The following COL24A1 variants were observed in gnomAD, a reference collection of about 807,000 sequenced individuals.
COL24A1 encodes the protein collagen type XXIV alpha 1 chain, also known as collagen alpha-1(XXIV) chain.
COL24A1 carries 224 observed loss-of-function variants against 253.9 expected under a neutral mutation model. That is an observed-to-expected ratio of 0.88 (90% CI 0.79 to 0.99). COL24A1 has a LOEUF of 0.99. Ranked by LOEUF, COL24A1 falls within the 50% of genes least tolerant of loss-of-function variation. COL24A1 has a pLI of 0.00. For missense variants in COL24A1, 2,131 were observed against 2,068.5 expected, an observed-to-expected ratio of 1.03 and a Z score of -0.59; for synonymous variants, 685 against 673.7, an observed-to-expected ratio of 1.02 and a Z score of -0.26.
intron 14 of COL24A1, among the ~76,000 whole-genome samples, chr1:86,028,609 T>C (rs1420981431): frequency 1.3e-5 from 2 of 152,200 alleles, no homozygotes; most frequent in Non-Finnish European, 2.9e-5. Flanking sequence ...ACCTCTTTCC[T>C]TTATAAATTA....
intron 2 of COL24A1, among the ~76,000 whole-genome samples, chr1:86,128,014 A>G (rs1465076917): frequency 6.6e-6 from 1 of 152,086 alleles, no homozygotes; most frequent in Non-Finnish European, 1.5e-5. Context: ...ATTTGTATCT[A>G]TGATATTGTA....
At chr1:85,947,068 A>G (rs530028388) in intron 24 of COL24A1, among the ~76,000 whole-genome samples, 53 of 152,350 alleles carry the variant, frequency 3.5e-4, no homozygotes, top group South Asian at 1.0e-3. Context: ...CAGATGCTTA[A>G]TAAGTATTAG....
At chr1:86,150,198 A>G (rs1373377155) in intron 1 of COL24A1, among the ~76,000 whole-genome samples, 4 of 152,114 alleles carry the variant, frequency 2.6e-5, no homozygotes, top group African/African-American at 9.7e-5. Flanking sequence ...GAAGTTTCCC[A>G]TCATCTCTAA....
chr1:85,915,698 G>C (rs1476990166), intron 24 of COL24A1, among the ~76,000 whole-genome samples: 3 of 152,150 alleles, frequency 2.0e-5, no homozygotes, highest in Non-Finnish European at 2.9e-5. Context: ...GCCTGGGCTG[G>C]AGTGCAGTGG....
chr1:86,044,797 T>C (rs1055354153), intron 12 of COL24A1, among the ~76,000 whole-genome samples: 1 of 152,142 alleles, frequency 6.6e-6, no homozygotes, highest in African/African-American at 2.4e-5. Flanking sequence ...TACCTGTACA[T>C]TGCCAAAGCC....
intron 35 of COL24A1, among the ~76,000 whole-genome samples, chr1:85,873,148 C>T (rs1680730630): frequency 6.6e-6 from 1 of 152,150 alleles, no homozygotes; most frequent in South Asian, 2.1e-4. Flanking sequence ...CCATCTCACA[C>T]CAGTTAGAAT....
At chr1:85,858,955 C>T (rs937240371) in intron 37 of COL24A1, among the ~76,000 whole-genome samples, 1 of 151,930 alleles carries the variant, frequency 6.6e-6, no homozygotes, top group Non-Finnish European at 1.5e-5. Context: ...CCAGGCTGGT[C>T]TTGAACTCCA....
At position 86,091,349 on chromosome 1, in the gene COL24A1, GT is replaced by G. The variant is rs369969629; in HGVS notation, c.1653+917del. Among the ~76,000 whole-genome samples, 157 of 150,818 alleles carry G rather than the reference GT, an allele frequency of 1.0e-3. 2 individuals carry two copies. Among genetic ancestry groups the G allele is most frequent in the Middle Eastern group, 6.8e-3 (2 of 292 alleles). On this transcript the variant is annotated intron_variant, in intron 6 of 59. Transcript: ENST00000370571. Reference sequence around the variant, plus strand: ...CATATAGTATCTGTAGAGTAATTATGTTTTTTTTTAAGTTTACAATTGTTTC... The same window carrying G: ...CATATAGTATCTGTAGAGTAATTATGTTTTTTTTAAGTTTACAATTGTTTC...
At chr1:86,080,428 G>C (rs1421617160) in intron 7 of COL24A1, among the ~76,000 whole-genome samples, 1 of 152,128 alleles carries the variant, frequency 6.6e-6, no homozygotes, top group South Asian at 2.1e-4. Context: ...AAAATAAATA[G>C]AGTATCATTG....
At chr1:86,133,541 T>G (rs1226415381) in intron 2 of COL24A1, among the ~76,000 whole-genome samples, 2 of 152,210 alleles carry the variant, frequency 1.3e-5, no homozygotes, top group Admixed American at 6.5e-5. Flanking sequence ...CCTAATTTAT[T>G]GAGAGTTTTT....
intron 7 of COL24A1, among the ~76,000 whole-genome samples, chr1:86,072,201 A>T (rs1446835127): frequency 6.6e-6 from 1 of 152,172 alleles, no homozygotes; most frequent in Non-Finnish European, 1.5e-5. Flanking sequence ...CCAGGGAGCC[A>T]AGTGGTCTAG....
intron 47 of COL24A1, among the ~76,000 whole-genome samples, chr1:85,805,565 G>A (rs894376223): frequency 6.6e-6 from 1 of 152,136 alleles, no homozygotes; most frequent in African/African-American, 2.4e-5. Flanking sequence ...AAAATATGGA[G>A]TTTTAGACTG....
intron 43 of COL24A1, among the ~76,000 whole-genome samples, chr1:85,832,269 C>T (rs1198862132): frequency 6.6e-6 from 1 of 152,038 alleles, no homozygotes; most frequent in African/African-American, 2.4e-5. Flanking sequence ...GGGCTCTGTT[C>T]TATTCCATTG....
intron 2 of COL24A1, among the ~76,000 whole-genome samples, chr1:86,134,019 A>G (rs1392135638): frequency 1.3e-5 from 2 of 152,140 alleles, no homozygotes; most frequent in African/African-American, 2.4e-5. Flanking sequence ...TATTGCCTCA[A>G]TTTCAGAGCC....
At chr1:86,105,308 G>A (rs948302374) in intron 5 of COL24A1, among the ~76,000 whole-genome samples, 1 of 152,178 alleles carries the variant, frequency 6.6e-6, no homozygotes, top group African/African-American at 2.4e-5. Context: ...ACACACATGC[G>A]TTAGCAAAGC....
chr1:85,879,887 T>C (rs1681628050), intron 32 of COL24A1, among the ~76,000 whole-genome samples: 1 of 152,176 alleles, frequency 6.6e-6, no homozygotes, highest in Admixed American at 6.5e-5. Context: ...CAAGGGTCAA[T>C]CGTACTTGTC....
chr1:86,080,124 G>C (rs1702523710), intron 7 of COL24A1, among the ~76,000 whole-genome samples: 1 of 152,148 alleles, frequency 6.6e-6, no homozygotes, highest in African/African-American at 2.4e-5. Context: ...ATTTGCAACA[G>C]CATGGATGGA....
chr1:85,757,804 GTCAT>G lies in COL24A1; in HGVS notation c.4437+3588_4437+3591del, dbSNP rs1411463405. 1.1e-4 allele frequency among the ~76,000 whole-genome samples: 16 copies of G among 152,256 alleles called. No homozygotes were observed. The South Asian group carries it at 2.9e-3, about 28-fold the overall frequency. ...TGTATTAAGAGGATTTGCCTGGGAA[GTCAT>G]TCAGTCACATCTAAGTGCCCACATC... is the stretch of plus-strand genomic sequence containing the variant. On this transcript the variant is annotated intron_variant, in intron 55 of 59. Transcript: ENST00000370571.
intron 28 of COL24A1, among the ~76,000 whole-genome samples, chr1:85,901,341 C>T (rs1684267876): frequency 6.6e-6 from 1 of 151,920 alleles, no homozygotes. Context: ...GAAATCAAAA[C>T]CACAATAAGA....
Sources: gnomAD v4.1 joint callset for allele counts (sites outside exome capture counted in the v4.1 genomes callset) on GRCh38, gnomAD v4.1.1 for gene constraint, MANE v1.5 for transcripts, NCBI Gene and HGNC (gene_info 2026-07-23, HGNC 2026-07-21) for gene names.